The following ARHGEF6 variants were observed in gnomAD, a reference collection of about 807,000 sequenced individuals.
The protein encoded by ARHGEF6 is rho guanine nucleotide exchange factor 6.
In ARHGEF6, 9 loss-of-function variants were observed where a neutral mutation model predicts 70.3. The observed-to-expected ratio is 0.13, with a 90% CI of 0.08 to 0.22. ARHGEF6 has a LOEUF of 0.22. Ranked by LOEUF, ARHGEF6 falls within the 10% of genes least tolerant of loss-of-function variation. The pLI is 1.00. For synonymous variants in ARHGEF6, 201 were observed against 207.8 expected, an observed-to-expected ratio of 0.97 and a Z score of 0.28; for missense variants, 470 against 563.0, an observed-to-expected ratio of 0.83 and a Z score of 1.67.
Position 136,686,709 on chromosome X carries a change from C to CATATAT in ARHGEF6, c.1246-892_1246-887dup, listed in dbSNP as rs35706788. 4.6e-3 allele frequency among the ~76,000 whole-genome samples: 291 copies of CATATAT among 63,106 alleles called. 3 individuals are homozygous for CATATAT. The highest frequency in any genetic ancestry group is 7.5e-3 in the South Asian group (8 of 1,072). 54.8% of individuals were successfully genotyped at this position (63,106 alleles called of 115,157 possible). On this transcript the variant is annotated intron_variant, in intron 11 of 21. Coordinates refer to ENST00000250617, the MANE Select transcript of ARHGEF6 (RefSeq NM_004840.3). ...ATATATATATACACATATATATATA[C>CATATAT]ATATATATATATATATATATATATA...
At chrX:136,735,979 TAAG>T (rs72162910) in intron 5 of ARHGEF6, among the ~76,000 whole-genome samples, 1,329 of 112,188 alleles carry the variant, frequency 0.012, 21 homozygotes, top group African/African-American at 0.041. Flanking sequence ...TTACTGCTAA[TAAG>T]AAGTTTTAGA....
At chrX:136,720,332 T>C (rs1409064187) in intron 6 of ARHGEF6, among the ~76,000 whole-genome samples, 1 of 111,656 alleles carries the variant, frequency 9.0e-6, no homozygotes, top group Non-Finnish European at 1.9e-5. Context: ...AGTTCAACAT[T>C]CCAAAAAATC....
At chrX:136,713,535 C>A (rs757402483) in intron 6 of ARHGEF6, among the ~76,000 whole-genome samples, 165 bp from the exon 7 acceptor site, 38 of 112,468 alleles carry the variant, frequency 3.4e-4, no homozygotes, top group Non-Finnish European at 5.3e-4. Flanking sequence ...TTCAATCTAG[C>A]AAACTACTTT....
chrX:136,730,349 C>T (rs977989713), intron 6 of ARHGEF6, among the ~76,000 whole-genome samples: 1 of 111,324 alleles, frequency 9.0e-6, no homozygotes, highest in Non-Finnish European at 1.9e-5. Flanking sequence ...ACACTCAAAA[C>T]ATATTTTGAA....
At chrX:136,692,225 C>T (rs2076465903) in intron 9 of ARHGEF6, among the ~76,000 whole-genome samples, 1 of 111,637 alleles carries the variant, frequency 9.0e-6, no homozygotes, top group African/African-American at 3.3e-5. Flanking sequence ...TATGAGAGGT[C>T]ATATCTAGCA....
chrX:136,778,599 C>A (rs1403689935), intron 2 of ARHGEF6, among the ~76,000 whole-genome samples: 1 of 110,156 alleles, frequency 9.1e-6, no homozygotes, highest in African/African-American at 3.3e-5. Flanking sequence ...AAGCGATCCT[C>A]CCACCTCAGC....
At chrX:136,742,448 G>C (rs766559184) in intron 5 of ARHGEF6, among the ~76,000 whole-genome samples, 2 of 112,111 alleles carry the variant, frequency 1.8e-5, no homozygotes, top group African/African-American at 6.5e-5. Context: ...AAAGCAATAA[G>C]ATATTTACAA....
At chrX:136,738,616 A>T (rs969496491) in intron 5 of ARHGEF6, among the ~76,000 whole-genome samples, 1 of 112,200 alleles carries the variant, frequency 8.9e-6, no homozygotes, top group Non-Finnish European at 1.9e-5. Flanking sequence ...GTCTTCTTAC[A>T]CTACAGTATG....
intron 9 of ARHGEF6, among the ~76,000 whole-genome samples, chrX:136,698,610 A>G (rs1009434878): frequency 8.9e-5 from 10 of 112,110 alleles, no homozygotes; most frequent in African/African-American, 3.2e-4. Flanking sequence ...TGACATACTC[A>G]AAGTACTGAA....
At chrX:136,734,509 T>C (rs2076967117) in intron 5 of ARHGEF6, among the ~76,000 whole-genome samples, 1 of 112,027 alleles carries the variant, frequency 8.9e-6, no homozygotes, top group African/African-American at 3.2e-5. Context: ...AACTTATAAA[T>C]TTAAAACTCT....
At chrX:136,701,702 CTTTTTTT>C (rs762628006) in intron 9 of ARHGEF6, among the ~76,000 whole-genome samples, 4,175 of 68,083 alleles carry the variant, frequency 0.061, 89 homozygotes, top group Middle Eastern at 0.12. Context: ...TTTCATTTTT[CTTTTTTT>C]TTTTTTTTTT....
Position 136,706,913 on chromosome X carries a change from C to A in ARHGEF6, c.1041G>T (p.Gln347His). The A allele has an allele frequency of 8.3e-7, 1 of 1,211,617 alleles. No homozygotes were observed. Among genetic ancestry groups the A allele is most frequent in the South Asian group, 1.8e-5 (1 of 56,999 alleles). ...NHPSAVNVLT[Q>H]HSDELEQFME... Reference sequence around the variant, plus strand: ...GGGAAATGTTAACTATTTACCTGTGCTGAGTGAGCACATTTACAGCTGAAG... The same window carrying A: ...GGGAAATGTTAACTATTTACCTGTGATGAGTGAGCACATTTACAGCTGAAG... The change falls in exon 9 of 22, where the codon CAG (glutamine) becomes CAT (histidine). Residue 347 changes from glutamine (Q) to histidine (H), a missense_variant. This residue lies in a region of ARHGEF6 where 379 missense variants were observed against 449.3 expected (regional missense o/e 0.84). Coordinates refer to ENST00000250617, the MANE Select transcript of ARHGEF6 (RefSeq NM_004840.3).
rs1349098146 is a variant in ARHGEF6, at chrX:136,708,381, T to TAA, written c.923+292_923+293dup. On this transcript the variant is annotated intron_variant, in intron 8 of 21. Transcript: ENST00000250617. ...TTTATCCCAGAACTTTAAGGAACAT[T>TAA]AAAAAAAAAAAAAAGACCTTATGTG... 4.5e-3 allele frequency among the ~76,000 whole-genome samples: 429 copies of TAA among 96,189 alleles called. 6 individuals carry two copies. Among genetic ancestry groups the TAA allele is most frequent in the African/African-American group, 0.016 (417 of 26,368 alleles). 83.5% of individuals were successfully genotyped at this position (96,189 alleles called of 115,157 possible).
Position 136,685,764 on chromosome X carries a change from A to G in ARHGEF6, c.1305T>C (p.Pro435=). 8.3e-7 allele frequency: 1 copy of G among 1,211,168 alleles called. No individual in the cohort carries two copies. The highest frequency in any genetic ancestry group is 1.1e-6 in the Non-Finnish European group (1 of 894,932). ...KQLELQILSE[P]IQAWEGEDIK... ...TATCTTCTCCTTCCCATGCCTGAAT[A>G]GGTTCGGACAGTATCTGTAACTCCA... Residue 435 remains proline (P), a synonymous_variant, in exon 12 of 22, where the codon CCT becomes CCC. Transcript: ENST00000250617.
At chrX:136,709,339 A>G (rs2076660580) in intron 7 of ARHGEF6, among the ~76,000 whole-genome samples, 1 of 112,417 alleles carries the variant, frequency 8.9e-6, no homozygotes, top group African/African-American at 3.2e-5. Context: ...GGGCCTCTGT[A>G]TGAAGAATGT....
intron 2 of ARHGEF6, among the ~76,000 whole-genome samples, chrX:136,749,268 G>A (rs2077127387): frequency 9.0e-6 from 1 of 111,494 alleles, no homozygotes; most frequent in Non-Finnish European, 1.9e-5. Context: ...GGGGATTTCA[G>A]ACTTATTGAG....
intron 2 of ARHGEF6, among the ~76,000 whole-genome samples, chrX:136,775,219 C>T (rs189944452): frequency 1.8e-5 from 2 of 111,172 alleles, no homozygotes; most frequent in Admixed American, 1.9e-4. Flanking sequence ...ACCCTCAAAC[C>T]AAAACCAGAA....
intron 6 of ARHGEF6, among the ~76,000 whole-genome samples, chrX:136,715,994 G>A (rs1044686787): frequency 8.9e-6 from 1 of 112,803 alleles, no homozygotes; most frequent in Non-Finnish European, 1.9e-5. Context: ...AAGCTGGAGT[G>A]CAATGGCACA....
At chrX:136,691,005 T>C (rs2076452271) in intron 9 of ARHGEF6, among the ~76,000 whole-genome samples, 1 of 110,274 alleles carries the variant, frequency 9.1e-6, no homozygotes, top group African/African-American at 3.3e-5. Context: ...CAATTACTGA[T>C]TGAGCATCTA....
Sources: allele counts gnomAD v4.1 joint callset (sites outside exome capture counted in the v4.1 genomes callset), GRCh38; gene constraint gnomAD v4.1.1; regional missense constraint gnomAD v4.1.1; transcripts MANE v1.5; gene names NCBI Gene and HGNC (gene_info 2026-07-23, HGNC 2026-07-21).